The following RGS8 variants were observed in gnomAD, a reference collection of about 807,000 sequenced individuals.
RGS8 encodes the protein regulator of G-protein signaling 8.
A neutral mutation model predicts 21.7 loss-of-function variants in RGS8; 8 were observed. That is an observed-to-expected ratio of 0.37 (90% CI 0.22 to 0.66). RGS8 has a LOEUF of 0.66. RGS8 is among the 30% of genes least tolerant of loss of function. RGS8 has a pLI of 0.59. For synonymous variants in RGS8, 80 were observed against 83.6 expected, an observed-to-expected ratio of 0.96 and a Z score of 0.24; for missense variants, 157 against 217.9, an observed-to-expected ratio of 0.72 and a Z score of 1.76.
the RGS8 span, among the ~76,000 whole-genome samples, chr1:182,740,833 T>C: frequency 6.6e-6 from 1 of 151,924 alleles, no homozygotes; most frequent in Non-Finnish European, 1.5e-5. Context: ...CAACCCTGAG[T>C]GGATACAGCA....
chr1:182,710,420 C>G, the RGS8 span, among the ~76,000 whole-genome samples: 1 of 152,138 alleles, frequency 6.6e-6, no homozygotes, highest in Non-Finnish European at 1.5e-5. Flanking sequence ...CTGAGCATAA[C>G]CCCCTATGGC....
At chr1:182,705,837 G>A in the RGS8 span, among the ~76,000 whole-genome samples, 39 of 152,140 alleles carry the variant, frequency 2.6e-4, no homozygotes, top group Non-Finnish European at 5.0e-4. Flanking sequence ...TAGCAGCCCC[G>A]TTCAACAGCT....
the RGS8 span, among the ~76,000 whole-genome samples, chr1:182,698,367 T>C: frequency 6.6e-6 from 1 of 152,182 alleles, no homozygotes; most frequent in South Asian, 2.1e-4. Flanking sequence ...TATTTTAAAG[T>C]GCTGTGACTT....
At chr1:182,693,576 A>T in the RGS8 span, among the ~76,000 whole-genome samples, 3 of 152,210 alleles carry the variant, frequency 2.0e-5, no homozygotes, top group African/African-American at 7.2e-5. Flanking sequence ...TTCTCAAAGA[A>T]CTTAAGACAG....
the RGS8 span, among the ~76,000 whole-genome samples, chr1:182,725,791 G>A: frequency 4.6e-5 from 7 of 152,174 alleles, no homozygotes; most frequent in African/African-American, 1.2e-4. Context: ...ACGTCACGGC[G>A]TGTGATTCAA....
At chr1:182,719,802 T>C in the RGS8 span, among the ~76,000 whole-genome samples, 1 of 152,128 alleles carries the variant, frequency 6.6e-6, no homozygotes. Flanking sequence ...ATAAATGCAG[T>C]ATGTTTATAC....
the RGS8 span, among the ~76,000 whole-genome samples, chr1:182,733,157 T>A: frequency 6.6e-6 from 1 of 152,244 alleles, no homozygotes; most frequent in African/African-American, 2.4e-5. Context: ...GATATTCAAA[T>A]GCTGTGTTCA....
intron 6 of RGS8, among the ~76,000 whole-genome samples, chr1:182,647,871 C>T (rs889720925): frequency 6.6e-6 from 1 of 152,226 alleles, no homozygotes; most frequent in Admixed American, 6.5e-5. Flanking sequence ...AGCACTTATT[C>T]TTGCAAAATC....
chr1:182,683,697 C>T (rs1180593739), intron 1 of RGS8, among the ~76,000 whole-genome samples: 5 of 151,338 alleles, frequency 3.3e-5, no homozygotes, highest in African/African-American at 4.9e-5. Context: ...GCTGATGCCA[C>T]GGACTCTTCA....
the RGS8 span, among the ~76,000 whole-genome samples, chr1:182,699,083 C>A: frequency 6.6e-6 from 1 of 152,110 alleles, no homozygotes; most frequent in Non-Finnish European, 1.5e-5. Flanking sequence ...TAGGTGGCTG[C>A]GTAGAGGGAG....
At chr1:182,649,880 C>A (rs192067402) in intron 5 of RGS8, among the ~76,000 whole-genome samples, 79 of 151,576 alleles carry the variant, frequency 5.2e-4, no homozygotes, top group African/African-American at 1.8e-3. Flanking sequence ...CTAAAATCCC[C>A]CAGAAGAACA....
chr1:182,673,286 C>T (rs1483296215), upstream of RGS8, among the ~76,000 whole-genome samples: 1 of 152,188 alleles, frequency 6.6e-6, no homozygotes, highest in African/African-American at 2.4e-5. Context: ...TGTCACTCAA[C>T]AATCCTATGC....
the RGS8 span, among the ~76,000 whole-genome samples, chr1:182,740,573 T>TTTTTTTTTTTTA: frequency 4.6e-5 from 4 of 87,308 alleles, no homozygotes; most frequent in Non-Finnish European, 6.3e-5. Context: ...TTTTTTTTTT[T>TTTTTTTTTTTTA]ATTGATCATT....
chr1:182,743,778 AAC>A, the RGS8 span, among the ~76,000 whole-genome samples: 1 of 152,144 alleles, frequency 6.6e-6, no homozygotes, highest in Non-Finnish European at 1.5e-5. Flanking sequence ...TAAAATAGAA[AAC>A]ATGTGTATAC....
chr1:182,667,001 G>A (rs778140312), intron 3 of RGS8, 28 bp from the exon 5 acceptor site: 22 of 1,561,950 alleles, frequency 1.4e-5, no homozygotes, highest in Admixed American at 1.7e-5. Flanking sequence ...GCAGAAGGAC[G>A]GGGAAACTCT....
At position 182,669,619 on chromosome 1, in the gene RGS8, A is replaced by T. The variant is rs373596638; in HGVS notation, c.26+5T>A. The T allele has an allele frequency of 1.2e-6, 2 of 1,614,110 alleles. No homozygotes were observed. The highest frequency in any genetic ancestry group is 1.3e-5 in the African/African-American group (1 of 74,936). On this transcript the variant is annotated splice_donor_5th_base_variant and intron_variant, in intron 3 of 6. Transcript: ENST00000483095. ...GGGCAAGAAAACAGGCCATTGATTC[A>T]TTACCTGCGTGGCATCAGTAAGGCC...
intron 5 of RGS8, among the ~76,000 whole-genome samples, chr1:182,648,601 G>C (rs1662821536): frequency 3.9e-5 from 6 of 151,952 alleles, no homozygotes. Context: ...GCTGGGCATG[G>C]TGGCACATGT....
the RGS8 span, chr1:182,714,634 G>A: frequency 1.3e-5 from 2 of 152,202 alleles, no homozygotes; most frequent in Non-Finnish European, 2.9e-5. Flanking sequence ...TAGATATTCA[G>A]TTATTCAGAA....
chr1:182,748,733 G>A, the RGS8 span, among the ~76,000 whole-genome samples: 2 of 152,054 alleles, frequency 1.3e-5, no homozygotes, highest in African/African-American at 4.8e-5. Flanking sequence ...AGTATATAAG[G>A]GTTCCCTTTT....
Sources: gnomAD v4.1 joint callset for allele counts (sites outside exome capture counted in the v4.1 genomes callset) on GRCh38, gnomAD v4.1.1 for gene constraint, MANE v1.5 for transcripts, NCBI Gene and HGNC (gene_info 2026-07-23, HGNC 2026-07-21) for gene names.